Variants in KIF21B observed in about 807,000 individuals in gnomAD.
KIF21B encodes kinesin-like protein KIF21B.
Under a neutral mutation model 192.9 loss-of-function variants are expected in KIF21B, and 85 were observed. The ratio of observed to expected loss-of-function variants is 0.44; its 90% CI spans 0.37 to 0.53. The LOEUF is 0.53. Ranked by LOEUF, KIF21B falls within the 20% of genes least tolerant of loss-of-function variation. KIF21B has a pLI of 0.00. For synonymous variants in KIF21B, 832 were observed against 884.6 expected, an observed-to-expected ratio of 0.94 and a Z score of 1.05; for missense variants, 1,716 against 2,194.8, an observed-to-expected ratio of 0.78 and a Z score of 4.36.
At chr1:200,991,563 G>T in intron 17 of KIF21B, 94 bp downstream of exon 17, 2 of 1,285,706 alleles carry the variant, frequency 1.6e-6, no homozygotes, top group African/African-American at 1.5e-5. Flanking sequence ...CCGCCAGGAA[G>T]TTGGAGGCCC....
intron 6 of KIF21B, 131 bp from the exon 7 acceptor site, chr1:201,004,586 A>G (rs965727679): frequency 8.0e-6 from 9 of 1,121,332 alleles, no homozygotes; most frequent in Non-Finnish European, 1.0e-5. Flanking sequence ...GGGTGGGTTT[A>G]TAGGCACATG....
intron 3 of KIF21B, among the ~76,000 whole-genome samples, chr1:201,006,575 A>T (rs1490475122): frequency 1.3e-5 from 2 of 152,084 alleles, no homozygotes; most frequent in Admixed American, 6.5e-5. Context: ...GATGGTGCAG[A>T]TGGGGGCCTA....
intron 28 of KIF21B, among the ~76,000 whole-genome samples, chr1:200,981,676 C>A (rs779078214): frequency 2.0e-4 from 30 of 152,224 alleles, no homozygotes; most frequent in Non-Finnish European, 1.0e-4. Flanking sequence ...ATACACACTC[C>A]TTTTGGACCA....
chr1:200,998,353 A>G lies in KIF21B; in HGVS notation c.2077+31T>C. On this transcript the variant is annotated intron_variant, in intron 14 of 34. Transcript: ENST00000461742. This position sits in a 1 kb window ranked among gnomAD's most constrained non-coding sequence, Gnocchi z 4.3. Reference sequence around the variant, plus strand: ...GGCTCAGGGAAAAGGGAGGGTCCGGATGGGGTGGAGGGGCATGGCGGTGGC... The same window carrying G: ...GGCTCAGGGAAAAGGGAGGGTCCGGGTGGGGTGGAGGGGCATGGCGGTGGC... 1 of 1,578,388 alleles carries G rather than the reference A, an allele frequency of 6.3e-7. No homozygotes were observed. Among genetic ancestry groups the G allele is most frequent in the Non-Finnish European group, 8.6e-7 (1 of 1,157,260 alleles).
rs1657707823 is a variant in KIF21B, at chr1:201,004,817, T to C, written c.849A>G (p.Thr283=). The C allele has an allele frequency of 2.5e-6, 4 of 1,614,112 alleles. No homozygotes were observed. Among genetic ancestry groups the C allele is most frequent in the Non-Finnish European group, 3.4e-6 (4 of 1,180,022 alleles). ...CCTTGGCCCGCTCGCCAGTAGCCCC[T>C]GTCCGCTTCAGCCGCTCTGAGCCGG... ...DLAGSERLKR[T]GATGERAKEG... Residue 283 remains threonine, a synonymous_variant, in exon 6 of 35, where the codon ACA becomes ACG. Coordinates refer to ENST00000461742, the MANE Select transcript of KIF21B (RefSeq NM_001252102.2).
rs1571943155 is a variant in KIF21B at position 200,998,047 on chromosome 1, T to C, written c.2077+337A>G. Among the ~76,000 whole-genome samples, 1 of 152,156 alleles carries C rather than the reference T, an allele frequency of 6.6e-6. No individual in the cohort carries two copies. The highest frequency in any genetic ancestry group is 1.5e-5 in the Non-Finnish European group (1 of 68,026). Reference sequence around the variant, plus strand: ...GAAGAGCAGCATAATGAAGATAGAATGTAAGAACGGTTACAAACAGGTCCA... The same window carrying C: ...GAAGAGCAGCATAATGAAGATAGAACGTAAGAACGGTTACAAACAGGTCCA... On this transcript the variant is annotated intron_variant, in intron 14 of 34. Transcript: ENST00000461742. The surrounding 1 kb of genome is among the most constrained non-coding windows in gnomAD (Gnocchi z 4.3).
Position 201,000,449 on chromosome 1 carries a change from G to A in KIF21B, c.1626C>T (p.Arg542=). ...GCCGCTCCAGGTCCTGCTTGGCCCTGCGGATCACCTCCGAGGCATCCTCCA... is the reference window on the plus strand; with the variant it reads ...GCCGCTCCAGGTCCTGCTTGGCCCTACGGATCACCTCCGAGGCATCCTCCA... ...SSMEDASEVI[R]RAKQDLERLK... Residue 542 remains arginine (R), a synonymous_variant, in exon 11 of 35, where the codon CGC becomes CGT. Transcript: ENST00000461742. The surrounding 1 kb of genome is among the most constrained non-coding windows in gnomAD (Gnocchi z 6.0). 6.3e-7 allele frequency: 1 copy of A among 1,581,138 alleles called. No individual in the cohort carries two copies. The highest frequency in any genetic ancestry group is 1.2e-5 in the South Asian group (1 of 86,874).
At position 200,979,644 on chromosome 1, in the gene KIF21B, C is replaced by T. The variant is rs1655785789; in HGVS notation, c.4051G>A (p.Val1351Met). The T allele has an allele frequency of 6.3e-7, 1 of 1,587,072 alleles. No individual in the cohort carries two copies. Among genetic ancestry groups the T allele is most frequent in the Non-Finnish European group, 8.6e-7 (1 of 1,167,084 alleles). The part of the protein sequence containing the change: ...IAALKGHPNN[V>M]VSIKYCSHSG... ...TGGCTGCAGTACTTGATGGAGACCACGTTGTTGGGGTGGCCCTTTAGAGCT... is the reference window on the plus strand; with the variant it reads ...TGGCTGCAGTACTTGATGGAGACCATGTTGTTGGGGTGGCCCTTTAGAGCT... The change falls in exon 30 of 35, where the codon GTG becomes ATG. Residue 1351 changes from valine to methionine, a missense_variant. This residue lies in a region of KIF21B where 580 missense variants were observed against 775.5 expected (regional missense o/e 0.75). Coordinates refer to ENST00000461742, the MANE Select transcript of KIF21B (RefSeq NM_001252102.2).
chr1:201,007,002 A>G, intron 3 of KIF21B, among the ~76,000 whole-genome samples: 1 of 134,690 alleles, frequency 7.4e-6, no homozygotes, highest in East Asian at 2.2e-4. Flanking sequence ...ACAGACACGG[A>G]CACAGAGACA....
At chr1:200,997,680 TGCA>T (rs1308018992) in intron 14 of KIF21B, among the ~76,000 whole-genome samples, 7 of 152,146 alleles carry the variant, frequency 4.6e-5, no homozygotes, top group African/African-American at 1.7e-4. Context: ...GGTCAGAGGT[TGCA>T]GTTAGCCGAG....
At position 200,999,550 on chromosome 1, in the gene KIF21B, G is replaced by C; in HGVS notation, c.1768-84C>G. The C allele has an allele frequency of 6.4e-7, 1 of 1,562,606 alleles. No homozygotes were observed. ...AGGTGCATCCCGACACAATGCCTCA[G>C]GTGTGTCAGGAGGGTGGGGATTGGG... On this transcript the variant is annotated intron_variant, in intron 12 of 34. Coordinates refer to ENST00000461742, the MANE Select transcript of KIF21B (RefSeq NM_001252102.2). This position sits in a 1 kb window ranked among gnomAD's most constrained non-coding sequence, Gnocchi z 4.7.
chr1:200,980,837 G>A, intron 29 of KIF21B, 123 bp downstream of exon 29: 2 of 1,224,578 alleles, frequency 1.6e-6, no homozygotes, highest in Non-Finnish European at 2.2e-6. Flanking sequence ...TAAGCAAATA[G>A]ACCCCATATC....
intron 1 of KIF21B, among the ~76,000 whole-genome samples, chr1:201,010,327 T>C (rs1658159186): frequency 6.6e-6 from 1 of 151,540 alleles, no homozygotes; most frequent in Non-Finnish European, 1.5e-5. Flanking sequence ...CAGGCCAGCC[T>C]GGGGTGCGCT....
In KIF21B at chr1:200,975,817, G is replaced by C; in HGVS notation, c.4444-148C>G. 5.3e-6 allele frequency: 4 copies of C among 752,564 alleles called. No individual in the cohort carries two copies. In the South Asian group the frequency reaches 7.9e-5, roughly 15 times the overall value. The allele number at this position is 752,564 out of a possible 1,614,324, so 46.6% of individuals were successfully genotyped here. ...TGGGGAGAGGAGCTTCCCAGCAGGC[G>C]AGGGTTCCTGGAGGTGGGGCTGCTC... On this transcript the variant is annotated intron_variant, in intron 32 of 34. Coordinates refer to ENST00000461742, the MANE Select transcript of KIF21B (RefSeq NM_001252102.2). The surrounding 1 kb of genome is among the most constrained non-coding windows in gnomAD (Gnocchi z 4.3).
intron 3 of KIF21B, among the ~76,000 whole-genome samples, chr1:201,006,637 CT>C (rs1657840676): frequency 6.6e-6 from 1 of 152,154 alleles, no homozygotes; most frequent in African/African-American, 2.4e-5. Flanking sequence ...ATCATTTGAC[CT>C]CTTGTGGTTC....
In KIF21B at chr1:200,973,433, TGGCCCCATCGGCCG is replaced by T; in HGVS notation, c.*74_*87del. ...CCACGCCCTCTGTCCCCAGAGCAGC[TGGCCCCATCGGCCG>T]GGTCACAGCTTCCCTTCCATGGTGT... On this transcript the variant is annotated 3_prime_UTR_variant, in exon 35 of 35. Coordinates refer to ENST00000461742, the MANE Select transcript of KIF21B (RefSeq NM_001252102.2). 2 of 1,368,586 alleles carry T rather than the reference TGGCCCCATCGGCCG, an allele frequency of 1.5e-6. No individual in the cohort carries two copies. Among genetic ancestry groups the T allele is most frequent in the Non-Finnish European group, 1.9e-6 (2 of 1,066,754 alleles). 84.8% of individuals were successfully genotyped at this position (1,368,586 alleles called of 1,614,324 possible).
chr1:200,975,761 G>A lies in KIF21B; in HGVS notation c.4444-92C>T. 7.5e-7 allele frequency: 1 copy of A among 1,325,676 alleles called. No homozygotes were observed. Among genetic ancestry groups the A allele is most frequent in the South Asian group, 1.5e-5 (1 of 68,346 alleles). The allele number at this position is 1,325,676 out of a possible 1,614,324, so 82.1% of individuals were successfully genotyped here. A position where few individuals can be genotyped will look rare whatever the true frequency, so the allele number is the denominator to read the frequency against. ...TGGACCCAGAGGCCTGAAGACCCAG[G>A]AGTCTGGCTAGGGTGACAGCCACTG... On this transcript the variant is annotated intron_variant, in intron 32 of 34. Transcript: ENST00000461742. This position sits in a 1 kb window ranked among gnomAD's most constrained non-coding sequence, Gnocchi z 4.3.
In KIF21B at chr1:200,981,060, T is replaced by C. The variant is rs1250569772; in HGVS notation, c.3879A>G (p.Ala1293=). ...IISPVGGAKG[A]RTAPLQCVSM... ...AGACACACTGCAGTGGGGCCGTCCGTGCACCCTTGGCTCCTCCAACCGGGG... is the reference window on the plus strand; with the variant it reads ...AGACACACTGCAGTGGGGCCGTCCGCGCACCCTTGGCTCCTCCAACCGGGG... The change falls in exon 29 of 35, where the codon GCA becomes GCG. Residue 1293 remains alanine, a synonymous_variant. Coordinates refer to ENST00000461742, the MANE Select transcript of KIF21B (RefSeq NM_001252102.2). The C allele has an allele frequency of 1.2e-6, 2 of 1,606,516 alleles. No homozygotes were observed. The highest frequency in any genetic ancestry group is 3.4e-5 in the Admixed American group (2 of 58,118).
chr1:200,977,304 G>A lies in KIF21B; in HGVS notation c.4233C>T (p.Gly1411=), dbSNP rs759944770. 29 of 1,614,112 alleles carry A rather than the reference G, an allele frequency of 1.8e-5. No homozygotes were observed. In the East Asian group the frequency reaches 3.8e-4, roughly 21 times the overall value. Residue 1411 remains glycine (G), a synonymous_variant, in exon 31 of 35, where the codon GGC becomes GGT. Transcript: ENST00000461742. ...GGGCGATCTGGTTGATCTGATGCTC[G>A]CCCTGAGCACTGGTGATGGCACGGG... The part of the protein sequence containing the change: ...TSTRAITSAQ[G]EHQINQIALS...
Sources: allele counts gnomAD v4.1 joint callset (sites outside exome capture counted in the v4.1 genomes callset), GRCh38; gene constraint gnomAD v4.1.1; regional missense constraint gnomAD v4.1.1; non-coding constraint Gnocchi (gnomAD v3.1); transcripts MANE v1.5; gene names NCBI Gene and HGNC (gene_info 2026-07-23, HGNC 2026-07-21).